ATP13A3: variants seen among roughly 807,000 people sequenced by gnomAD.
ATP13A3 encodes the protein ATPase 13A3.
ATP13A3 carries 59 observed loss-of-function variants against 158.1 expected under a neutral mutation model. The observed-to-expected ratio is 0.37, with a 90% CI of 0.30 to 0.46. The LOEUF (loss-of-function observed/expected upper bound fraction) is 0.46. Ranked by LOEUF, ATP13A3 falls within the 20% of genes least tolerant of loss-of-function variation. The probability of loss-of-function intolerance (pLI) is 1.00; values close to 1 mark genes in which losing one functional copy is unlikely to be tolerated. For missense variants in ATP13A3, 1,166 were observed against 1,525.2 expected, an observed-to-expected ratio of 0.76 and a Z score of 3.92; for synonymous variants, 491 against 504.3, an observed-to-expected ratio of 0.97 and a Z score of 0.35.
chr3:194,486,460 G>C (rs1222008122), intron 1 of ATP13A3, 106 bp downstream of exon 1: 1 of 152,746 alleles, frequency 6.5e-6, no homozygotes, highest in Non-Finnish European at 1.5e-5. Context: ...ACTCCGGCCC[G>C]AGAAGGCTGG....
At position 194,447,789 on chromosome 3, in the gene ATP13A3, C is replaced by T. The variant is rs964392669; in HGVS notation, c.1308+63G>A. ...ATTCTCAGTAGCCACATTTCAAATC[C>T]TCAATAGCTGCATATGATAAATAAT... On this transcript the variant is annotated intron_variant, in intron 13 of 33. Transcript: ENST00000645319. 5.7e-6 allele frequency: 8 copies of T among 1,410,158 alleles called. No homozygotes were observed. In the African/African-American group the frequency reaches 5.8e-5, roughly 10 times the overall value. 87.4% of individuals were successfully genotyped at this position (1,410,158 alleles called of 1,614,324 possible). A position where few individuals can be genotyped will look rare whatever the true frequency, so the allele number is the denominator to read the frequency against.
chr3:194,480,527 C>T (rs1172610627), intron 2 of ATP13A3, among the ~76,000 whole-genome samples: 1 of 152,044 alleles, frequency 6.6e-6, no homozygotes, highest in Non-Finnish European at 1.5e-5. Flanking sequence ...AAAAACAAAA[C>T]AAAAACACTC....
chr3:194,428,594 T>C (rs1716988356), intron 28 of ATP13A3, among the ~76,000 whole-genome samples: 1 of 152,228 alleles, frequency 6.6e-6, no homozygotes, highest in Non-Finnish European at 1.5e-5. Context: ...AAATATATAC[T>C]AAAATTGTCA....
At chr3:194,437,661 A>C in intron 17 of ATP13A3, 88 bp from the exon 18 acceptor site, 1 of 1,305,066 alleles carries the variant, frequency 7.7e-7, no homozygotes. Context: ...GCATCCACAA[A>C]ACATTATTTG....
chr3:194,438,919 G>C lies in ATP13A3; in HGVS notation c.1764C>G (p.Pro588=). 1.9e-6 allele frequency: 3 copies of C among 1,610,510 alleles called. No individual in the cohort carries two copies. The highest frequency in any genetic ancestry group is 2.5e-6 in the Non-Finnish European group (3 of 1,178,272). The part of the protein sequence containing the change: ...EETALHNRIM[P]TVVRPPKQLL... ...GTTGTTTGGGAGGACGAACCACTGT[G>C]GGCATAATTCGATTATGAAGTGCTG... is the stretch of plus-strand genomic sequence containing the variant. The change falls in exon 17 of 34, where the codon CCC becomes CCG. Residue 588 remains proline (P), a synonymous_variant. Coordinates refer to ENST00000645319, the MANE Select transcript of ATP13A3 (RefSeq NM_001367549.1).
chr3:194,436,812 G>A (rs1717672987), intron 20 of ATP13A3, among the ~76,000 whole-genome samples: 1 of 152,062 alleles, frequency 6.6e-6, no homozygotes, highest in Non-Finnish European at 1.5e-5. Flanking sequence ...TTGCGCCACT[G>A]CGCTTGAACC....
intron 31 of ATP13A3, 44 bp downstream of exon 31, chr3:194,419,835 A>T: frequency 6.5e-7 from 1 of 1,543,860 alleles, no homozygotes. Flanking sequence ...AAATGTATAC[A>T]GGTTAGTCTT....
chr3:194,413,706 C>T (rs1715604610), intron 32 of ATP13A3, 53 bp downstream of exon 32: 4 of 1,468,950 alleles, frequency 2.7e-6, no homozygotes, highest in Admixed American at 3.3e-5. Flanking sequence ...ACCATTAAAT[C>T]ACCCAAGAAT....
rs1270412241 is a variant in ATP13A3 at position 194,431,895 on chromosome 3, A to G, written c.2246-3T>C. On this transcript the variant is annotated splice_region_variant and splice_polypyrimidine_tract_variant and intron_variant, in intron 21 of 33. Transcript: ENST00000645319. ...GACAGCAGTCAACATACTGTCACCT[A>G]ATTTTCAAAATATTTTAAATGTATT... 5.1e-6 allele frequency: 8 copies of G among 1,563,216 alleles called. No individual in the cohort carries two copies. Among genetic ancestry groups the G allele is most frequent in the African/African-American group, 4.2e-5 (3 of 71,808 alleles).
intron 2 of ATP13A3, among the ~76,000 whole-genome samples, chr3:194,477,672 C>A (rs1350970112): frequency 6.6e-6 from 1 of 152,138 alleles, no homozygotes; most frequent in African/African-American, 2.4e-5. Flanking sequence ...CACTAAGAAA[C>A]AAAATTTTAA....
Position 194,425,373 on chromosome 3 carries a change from TC to T in ATP13A3, c.3281del (p.Gly1094GlufsTer18). 6.2e-7 allele frequency: 1 copy of T among 1,612,758 alleles called. No individual in the cohort carries two copies. Among genetic ancestry groups the T allele is most frequent in the Non-Finnish European group, 8.5e-7 (1 of 1,179,630 alleles). ...YLIVAIAFSK[G>X]KPFRQPCYKN... ...TGTAGCAAGGTTGCCTGAAGGGTTTTCCTTTTGAAAAGGCAATTGCCACTAT... is the reference window on the plus strand; with the variant it reads ...TGTAGCAAGGTTGCCTGAAGGGTTTTCTTTTGAAAAGGCAATTGCCACTAT... On this transcript the variant is annotated frameshift_variant, in exon 30 of 34. Coordinates refer to ENST00000645319, the MANE Select transcript of ATP13A3 (RefSeq NM_001367549.1). LOFTEE classifies it high-confidence loss of function.
intron 1 of ATP13A3, among the ~76,000 whole-genome samples, 181 bp downstream of exon 1, chr3:194,486,385 C>T (rs992474547): frequency 4.6e-4 from 70 of 151,654 alleles, no homozygotes; most frequent in African/African-American, 1.2e-3. Flanking sequence ...GGCCTTCGCA[C>T]CCACCGCGTG....
At chr3:194,425,061 C>G (rs1200760894) in intron 30 of ATP13A3, among the ~76,000 whole-genome samples, 2 of 152,208 alleles carry the variant, frequency 1.3e-5, no homozygotes, top group Non-Finnish European at 2.9e-5. Flanking sequence ...GTCTCCACTT[C>G]CCATCCTAAC....
intron 28 of ATP13A3, among the ~76,000 whole-genome samples, chr3:194,427,651 A>C (rs955018281): frequency 5.2e-5 from 7 of 133,508 alleles, no homozygotes; most frequent in Non-Finnish European, 9.1e-5. Flanking sequence ...ATAAATAAAT[A>C]AATAAATAAA....
chr3:194,427,212 T>A lies in ATP13A3; in HGVS notation c.2988A>T (p.Arg996Ser). 6.2e-7 allele frequency: 1 copy of A among 1,609,456 alleles called. No homozygotes were observed. Among genetic ancestry groups the A allele is most frequent in the Middle Eastern group, 1.7e-4 (1 of 6,048 alleles). Reference protein sequence around the residue: ...NPAWKELVAQRPPSGLISGAL... With the variant: ...NPAWKELVAQSPPSGLISGAL... ...CCCCAGATATAAGACCCGAAGGTGG[T>A]CTTTGTGCCACAAGTTCTTTCCAGG... is the stretch of plus-strand genomic sequence containing the variant. Residue 996 changes from arginine (R) to serine (S), a missense_variant, in exon 29 of 34, where the codon AGA (arginine) becomes AGT (serine). Physicochemically the swap from Arg to Ser is moderately radical, Grantham distance 110. Coordinates refer to ENST00000645319, the MANE Select transcript of ATP13A3 (RefSeq NM_001367549.1).
In ATP13A3 at chr3:194,437,241, A is replaced by G. The variant is rs750196593; in HGVS notation, c.2000-26T>C. 18 of 1,613,762 alleles carry G rather than the reference A, an allele frequency of 1.1e-5. 1 individual carries two copies. Among genetic ancestry groups the G allele is most frequent in the Middle Eastern group, 1.6e-4 (1 of 6,082 alleles). Reference sequence around the variant, plus strand: ...CTTTTTAAAAGAAAGAGTAAATTTCATTGTTAGAGTTGCTAATACAAGTTT... The same window carrying G: ...CTTTTTAAAAGAAAGAGTAAATTTCGTTGTTAGAGTTGCTAATACAAGTTT... On this transcript the variant is annotated intron_variant, in intron 19 of 33. Coordinates refer to ENST00000645319, the MANE Select transcript of ATP13A3 (RefSeq NM_001367549.1).
Position 194,457,081 on chromosome 3 carries a change from G to A in ATP13A3, c.560+13C>T. 22 of 1,596,382 alleles carry A rather than the reference G, an allele frequency of 1.4e-5. No individual in the cohort carries two copies. The highest frequency in any genetic ancestry group is 1.6e-5 in the Non-Finnish European group (19 of 1,165,848). ...ATTTTGAGAAGATCTAACTTTAGTT[G>A]GATAAAAATTACCTGTAGGCATGCA... On this transcript the variant is annotated intron_variant, in intron 7 of 33. Coordinates refer to ENST00000645319, the MANE Select transcript of ATP13A3 (RefSeq NM_001367549.1).
chr3:194,469,933 T>C (rs1374784393), intron 2 of ATP13A3, among the ~76,000 whole-genome samples: 1 of 152,236 alleles, frequency 6.6e-6, no homozygotes, highest in African/African-American at 2.4e-5. Context: ...ATTTCAATTT[T>C]AATACCTATA....
chr3:194,433,385 AG>A, intron 21 of ATP13A3, among the ~76,000 whole-genome samples: 1 of 152,068 alleles, frequency 6.6e-6, no homozygotes, highest in East Asian at 1.9e-4. Flanking sequence ...CTGGGACTAC[AG>A]GCACCCGCCA....
Sources: allele counts gnomAD v4.1 joint callset (sites outside exome capture counted in the v4.1 genomes callset), GRCh38; gene constraint gnomAD v4.1.1; transcripts MANE v1.5; gene names NCBI Gene and HGNC (gene_info 2026-07-23, HGNC 2026-07-21).